IGSF21: variants seen among roughly 807,000 people sequenced by gnomAD.
The protein encoded by IGSF21 is immunoglobulin superfamily member 21.
Under a neutral mutation model 46.8 loss-of-function variants are expected in IGSF21, and 28 were observed. That is an observed-to-expected ratio of 0.60 (90% CI 0.44 to 0.82). IGSF21 has a LOEUF of 0.82. IGSF21 is among the 40% of genes least tolerant of loss of function. The pLI, the probability that IGSF21 is intolerant of heterozygous loss-of-function variation, is 0.00. For synonymous variants in IGSF21, 284 were observed against 273.6 expected (o/e 1.04, Z -0.38); for missense variants, 624 against 665.5 (o/e 0.94, Z 0.69).
Position 18,337,988 on chromosome 1 carries a change from G to A in IGSF21, c.424+2978G>A, listed in dbSNP as rs2085789268. Among the ~76,000 whole-genome samples, 1 of 152,126 alleles carries A rather than the reference G, an allele frequency of 6.6e-6. No individual in the cohort carries two copies. The highest frequency in any genetic ancestry group is 2.4e-5 in the African/African-American group (1 of 41,412). ...CTGAATGGTGAGGGGAGGGCCGGGG[G>A]AGGCGGCGTGGCTGAGTGTTTCTCA... On this transcript the variant is annotated intron_variant, in intron 4 of 9. Coordinates refer to ENST00000251296, the MANE Select transcript of IGSF21 (RefSeq NM_032880.5). This position sits in a 1 kb window ranked among gnomAD's most constrained non-coding sequence, Gnocchi z 5.7.
At chr1:18,310,970 G>T (rs1233583893) in intron 3 of IGSF21, among the ~76,000 whole-genome samples, 1 of 151,922 alleles carries the variant, frequency 6.6e-6, no homozygotes, top group Non-Finnish European at 1.5e-5. Flanking sequence ...ACTGGATTAG[G>T]GCCCACCCAA....
At chr1:18,229,742 T>C (rs2084604811) in intron 2 of IGSF21, among the ~76,000 whole-genome samples, 1 of 152,188 alleles carries the variant, frequency 6.6e-6, no homozygotes, top group Non-Finnish European at 1.5e-5. Context: ...AATAGTGCCA[T>C]GAACTGAATC....
chr1:18,295,383 C>T (rs2085302871), intron 3 of IGSF21, among the ~76,000 whole-genome samples: 1 of 152,146 alleles, frequency 6.6e-6, no homozygotes, highest in Non-Finnish European at 1.5e-5. Context: ...CCCAGGGATA[C>T]AGGGGGAATG....
chr1:18,340,145 T>G (rs2085816646), intron 4 of IGSF21, among the ~76,000 whole-genome samples: 1 of 152,184 alleles, frequency 6.6e-6, no homozygotes, highest in African/African-American at 2.4e-5. Context: ...TCATTTAACA[T>G]ATATTTATTG....
intron 1 of IGSF21, among the ~76,000 whole-genome samples, chr1:18,119,702 A>G (rs1239814395): frequency 6.6e-6 from 1 of 152,098 alleles, no homozygotes; most frequent in Admixed American, 6.5e-5. Context: ...CATAAAGATA[A>G]TAGGTCTGGG....
chr1:18,279,502 C>T (rs951991174), intron 2 of IGSF21, among the ~76,000 whole-genome samples: 1 of 152,178 alleles, frequency 6.6e-6, no homozygotes, highest in Non-Finnish European at 1.5e-5. Context: ...CCCCATAGAA[C>T]AGCAGGAAGA....
At chr1:18,358,405 A>G (rs1196304293) in intron 4 of IGSF21, among the ~76,000 whole-genome samples, 1 of 152,240 alleles carries the variant, frequency 6.6e-6, no homozygotes, top group African/African-American at 2.4e-5. Context: ...TTATCAATAT[A>G]TCTTACGCTC....
rs571830154 is a variant in IGSF21 at position 18,148,375 on chromosome 1, G to A, written c.70+40177G>A. Among the ~76,000 whole-genome samples, 77 of 151,938 alleles carry A rather than the reference G, an allele frequency of 5.1e-4. 1 individual carries two copies. The highest frequency in any genetic ancestry group is 1.4e-3 in the Admixed American group (21 of 15,252). On this transcript the variant is annotated intron_variant, in intron 1 of 9. Coordinates refer to ENST00000251296, the MANE Select transcript of IGSF21 (RefSeq NM_032880.5). ...TCTCGATCTCCTGACCTCATGATCC[G>A]CCCGCCTCGGCCTCCCAAAGTGCTG... is the stretch of plus-strand genomic sequence containing the variant.
intron 4 of IGSF21, among the ~76,000 whole-genome samples, chr1:18,336,316 G>A (rs557897585): frequency 6.6e-6 from 1 of 152,290 alleles, no homozygotes; most frequent in East Asian, 1.9e-4. Context: ...GCATAGGGAG[G>A]GGACTCAGGG....
At chr1:18,293,151 C>T (rs72934825) in intron 3 of IGSF21, among the ~76,000 whole-genome samples, 1,953 of 152,294 alleles carry the variant, frequency 0.013, 42 homozygotes, top group African/African-American at 0.042. Flanking sequence ...TCTCTGTGAC[C>T]GTGAGCTCCA....
intron 1 of IGSF21, among the ~76,000 whole-genome samples, chr1:18,146,292 C>T (rs528278177): frequency 1.8e-4 from 27 of 152,160 alleles, no homozygotes; most frequent in African/African-American, 2.7e-4. Flanking sequence ...AGGGAGTGAG[C>T]GTCCATCAGT....
chr1:18,288,443 A>G (rs2085235970), intron 2 of IGSF21, among the ~76,000 whole-genome samples: 1 of 152,212 alleles, frequency 6.6e-6, no homozygotes, highest in South Asian at 2.1e-4. Context: ...CCTCTTGTGA[A>G]TAAGGTCGTA....
intron 1 of IGSF21, among the ~76,000 whole-genome samples, chr1:18,216,758 T>A (rs11260957): frequency 0.34 from 52,272 of 151,756 alleles, 9,498 homozygotes; most frequent in East Asian, 0.55. Flanking sequence ...AACAAGGAGG[T>A]AGATGGTTGG....
At chr1:18,215,216 G>A (rs1469773979) in intron 1 of IGSF21, among the ~76,000 whole-genome samples, 1 of 152,288 alleles carries the variant, frequency 6.6e-6, no homozygotes, top group East Asian at 1.9e-4. Context: ...CATATCACCT[G>A]TAGAACTTAT....
At chr1:18,168,885 G>A (rs769344810) in intron 1 of IGSF21, among the ~76,000 whole-genome samples, 42 of 152,286 alleles carry the variant, frequency 2.8e-4, no homozygotes, top group East Asian at 1.4e-3. Flanking sequence ...CAGTAAACAC[G>A]GGGTTCTGGG....
At chr1:18,355,148 C>T (rs564673807) in intron 4 of IGSF21, among the ~76,000 whole-genome samples, 122 of 152,196 alleles carry the variant, frequency 8.0e-4, no homozygotes, top group African/African-American at 2.6e-3. Context: ...GAAGTGGGAG[C>T]GGACCTCATG....
intron 3 of IGSF21, among the ~76,000 whole-genome samples, chr1:18,327,349 G>A (rs1308417720): frequency 6.6e-6 from 1 of 152,148 alleles, no homozygotes; most frequent in Non-Finnish European, 1.5e-5. Flanking sequence ...AGACATTTGA[G>A]CAGTGTCTTA....
chr1:18,295,457 C>T (rs2085303508), intron 3 of IGSF21, among the ~76,000 whole-genome samples: 1 of 152,278 alleles, frequency 6.6e-6, no homozygotes, highest in African/African-American at 2.4e-5. Flanking sequence ...ATACATCATT[C>T]CACATTCTGC....
At chr1:18,359,197 G>A (rs2086056403) in intron 4 of IGSF21, among the ~76,000 whole-genome samples, 1 of 151,266 alleles carries the variant, frequency 6.6e-6, no homozygotes, top group African/African-American at 2.4e-5. Flanking sequence ...TTGATCACTT[G>A]AGCCCAGGAG....
Sources: gnomAD v4.1 joint callset for allele counts (sites outside exome capture counted in the v4.1 genomes callset) on GRCh38, gnomAD v4.1.1 for gene constraint, Gnocchi (gnomAD v3.1) non-coding constraint, MANE v1.5 for transcripts, NCBI Gene and HGNC (gene_info 2026-07-23, HGNC 2026-07-21) for gene names.